SYT13: variants seen among roughly 807,000 people sequenced by gnomAD.
The protein encoded by SYT13 is synaptotagmin 13.
Under a neutral mutation model 38.6 loss-of-function variants are expected in SYT13, and 21 were observed. The observed-to-expected ratio is 0.54, with a 90% CI of 0.39 to 0.78. SYT13 has a LOEUF of 0.78. Among genes scored for constraint, SYT13 ranks in the 30% least tolerant of loss-of-function variants. The probability of loss-of-function intolerance (pLI) is 0.00; values close to 1 mark genes in which losing one functional copy is unlikely to be tolerated. For missense variants in SYT13, 495 were observed against 548.7 expected, an observed-to-expected ratio of 0.90 and a Z score of 0.98; for synonymous variants, 241 against 237.6, an observed-to-expected ratio of 1.01 and a Z score of -0.13.
intron 1 of SYT13, among the ~76,000 whole-genome samples, chr11:45,275,796 G>A (rs1855003313): frequency 1.6e-5 from 2 of 124,846 alleles, no homozygotes; most frequent in African/African-American, 5.1e-5. Context: ...GGGTTTGCAG[G>A]GCCTGGGTAT....
intron 1 of SYT13, 50 bp from the exon 2 acceptor site, chr11:45,255,941 G>A (rs1565381786): frequency 6.3e-7 from 1 of 1,586,760 alleles, no homozygotes; most frequent in South Asian, 1.1e-5. Context: ...CCTCTTGTCT[G>A]TTTCCCCCCA....
chr11:45,247,047 G>T (rs1039065458), intron 4 of SYT13, among the ~76,000 whole-genome samples: 2 of 152,300 alleles, frequency 1.3e-5, no homozygotes, highest in African/African-American at 4.8e-5. Context: ...ATGAAGTGCT[G>T]GGGTGTATGA....
At position 45,241,377 on chromosome 11, in the gene SYT13, C is replaced by T. The variant is rs1448194742; in HGVS notation, c.*2675G>A. 6.6e-6 allele frequency: 1 copy of T among 152,172 alleles called. No homozygotes were observed. The highest frequency in any genetic ancestry group is 1.5e-5 in the Non-Finnish European group (1 of 68,036). 9.4% of individuals were successfully genotyped at this position (152,172 alleles called of 1,614,324 possible). ...CAGACAACTCTCCTTCAAAATGTAT[C>T]TCATTTCTGTAATCCCTGCTAAGTG... On this transcript the variant is annotated 3_prime_UTR_variant, in exon 6 of 6. Transcript: ENST00000020926.
chr11:45,279,800 T>C (rs1042526782), intron 1 of SYT13, among the ~76,000 whole-genome samples: 2 of 152,144 alleles, frequency 1.3e-5, no homozygotes, highest in Admixed American at 6.5e-5. Context: ...TGAGAATCCA[T>C]GGAGGTCAGA....
rs770646662 is a variant in SYT13, at chr11:45,243,754, CT to C, written c.*297del. On this transcript the variant is annotated 3_prime_UTR_variant, in exon 6 of 6. Coordinates refer to ENST00000020926, the MANE Select transcript of SYT13 (RefSeq NM_020826.3). ...TTGCATCCATGATTCCCACATTTAG[CT>C]TTCTCTGCATCTGGCCTAACCCCAC... 9 of 310,284 alleles carry C rather than the reference CT, an allele frequency of 2.9e-5. No individual in the cohort carries two copies. Among genetic ancestry groups the C allele is most frequent in the Non-Finnish European group, 5.3e-5 (9 of 170,274 alleles). 19.2% of individuals were successfully genotyped at this position (310,284 alleles called of 1,614,324 possible).
At chr11:45,265,601 C>A (rs1854872451) in intron 1 of SYT13, among the ~76,000 whole-genome samples, 1 of 152,158 alleles carries the variant, frequency 6.6e-6, no homozygotes, top group African/African-American at 2.4e-5. Flanking sequence ...TTGCAGAGAG[C>A]CATTTTGTTG....
chr11:45,254,419 G>A lies in SYT13; in HGVS notation c.410-15C>T, dbSNP rs374064565. Reference sequence around the variant, plus strand: ...CTCCACCACACCTGTTAAGAAAGTCGAAATCGTCACTGCCACCCACACTGG... The same window carrying A: ...CTCCACCACACCTGTTAAGAAAGTCAAAATCGTCACTGCCACCCACACTGG... On this transcript the variant is annotated splice_polypyrimidine_tract_variant and intron_variant, in intron 2 of 5. Transcript: ENST00000020926. 8.7e-6 allele frequency: 14 copies of A among 1,608,428 alleles called. No individual in the cohort carries two copies. The highest frequency in any genetic ancestry group is 6.7e-5 in the South Asian group (6 of 89,700).
intron 1 of SYT13, among the ~76,000 whole-genome samples, chr11:45,262,721 TCACACACACA>T (rs71451610): frequency 0.066 from 5,128 of 78,204 alleles, 239 homozygotes; most frequent in African/African-American, 0.14. Flanking sequence ...GGAGATCCTA[TCACACACACA>T]CACACACACA....
intron 2 of SYT13, 115 bp from the exon 3 acceptor site, chr11:45,254,519 T>C (rs781280596): frequency 4.3e-5 from 62 of 1,456,518 alleles, no homozygotes; most frequent in Non-Finnish European, 5.0e-5. Context: ...TCTTCCCAGC[T>C]GTGTGCAGAA....
At chr11:45,268,916 A>AC (rs938087705) in intron 1 of SYT13, among the ~76,000 whole-genome samples, 10 of 152,192 alleles carry the variant, frequency 6.6e-5, no homozygotes, top group Admixed American at 1.3e-4. Flanking sequence ...ACTGATTGCT[A>AC]CCCCGACGCA....
At chr11:45,267,961 G>A (rs1391224779) in intron 1 of SYT13, among the ~76,000 whole-genome samples, 7 of 151,860 alleles carry the variant, frequency 4.6e-5, no homozygotes, top group East Asian at 3.9e-4. Flanking sequence ...TCTCAAATCC[G>A]CCTCCCTCGT....
At chr11:45,267,835 G>T (rs892512585) in intron 1 of SYT13, among the ~76,000 whole-genome samples, 1 of 152,160 alleles carries the variant, frequency 6.6e-6, no homozygotes, top group Non-Finnish European at 1.5e-5. Context: ...GAGGAGGCTT[G>T]GCTTCCAGTC....
intron 1 of SYT13, among the ~76,000 whole-genome samples, chr11:45,266,798 CT>C (rs1406635637): frequency 1.3e-5 from 2 of 152,196 alleles, no homozygotes; most frequent in African/African-American, 4.8e-5. Flanking sequence ...CCCATTCCTT[CT>C]GTAGAGGAAG....
chr11:45,262,991 C>T (rs982060711), intron 1 of SYT13, among the ~76,000 whole-genome samples: 27 of 152,264 alleles, frequency 1.8e-4, no homozygotes, highest in Admixed American at 1.1e-3. Context: ...ATCCAGCAGT[C>T]ACCCTGGATG....
intron 1 of SYT13, among the ~76,000 whole-genome samples, chr11:45,265,783 A>G (rs996317513): frequency 2.0e-5 from 3 of 152,148 alleles, no homozygotes; most frequent in African/African-American, 7.2e-5. Flanking sequence ...GAGGGCACAC[A>G]TTCGTTCCCT....
intron 1 of SYT13, among the ~76,000 whole-genome samples, chr11:45,264,914 G>A (rs779378405): frequency 2.6e-5 from 4 of 152,188 alleles, no homozygotes; most frequent in Non-Finnish European, 5.9e-5. Flanking sequence ...GGCAAGCCAC[G>A]TTGGAAAACT....
intron 2 of SYT13, 73 bp downstream of exon 2, chr11:45,255,593 A>G (rs771876854): frequency 4.2e-5 from 61 of 1,442,706 alleles, no homozygotes; most frequent in Middle Eastern, 2.3e-4. Flanking sequence ...GGCCACACAC[A>G]GCATCTACAG....
intron 1 of SYT13, chr11:45,258,316 C>G (rs1854773275): frequency 2.0e-5 from 3 of 152,282 alleles, no homozygotes; most frequent in South Asian, 4.1e-4. Context: ...AATCAGGTCC[C>G]CTTTGCACCT....
intron 1 of SYT13, among the ~76,000 whole-genome samples, chr11:45,269,168 A>G (rs949418914): frequency 6.6e-6 from 1 of 152,188 alleles, no homozygotes; most frequent in Admixed American, 6.5e-5. Flanking sequence ...GGAGAGGGGC[A>G]TTCCGCCAAG....
Sources: allele counts gnomAD v4.1 joint callset (sites outside exome capture counted in the v4.1 genomes callset), GRCh38; gene constraint gnomAD v4.1.1; transcripts MANE v1.5; gene names NCBI Gene and HGNC (gene_info 2026-07-23, HGNC 2026-07-21).